The following CDKL5 variants were observed in gnomAD, a reference collection of about 807,000 sequenced individuals.
CDKL5 encodes cyclin dependent kinase like 5.
CDKL5 carries 8 observed loss-of-function variants against 61.7 expected under a neutral mutation model. The observed-to-expected ratio is 0.13, with a 90% CI of 0.08 to 0.23. CDKL5 has a LOEUF of 0.23. Among genes scored for constraint, CDKL5 ranks in the 10% least tolerant of loss-of-function variants. The probability of loss-of-function intolerance (pLI) is 1.00; values close to 1 mark genes in which losing one functional copy is unlikely to be tolerated. For missense variants in CDKL5, 440 were observed against 734.5 expected (o/e 0.60, Z 4.63); for synonymous variants, 275 against 272.3 (o/e 1.01, Z -0.10).
intron 3 of CDKL5, among the ~76,000 whole-genome samples, chrX:18,514,333 T>G (rs2147097665): frequency 9.0e-6 from 1 of 111,575 alleles, no homozygotes; most frequent in East Asian, 2.8e-4. Context: ...AGTTGTTATA[T>G]ATACACATTG....
intron 19 of CDKL5, among the ~76,000 whole-genome samples, chrX:18,645,411 C>T (rs1196777081): frequency 9.0e-6 from 1 of 110,585 alleles, no homozygotes; most frequent in Non-Finnish European, 1.9e-5. Context: ...AGATGAAACA[C>T]GTCCCAATGT....
At chrX:18,551,602 A>ATTATTATTT (rs1327352780) in intron 3 of CDKL5, among the ~76,000 whole-genome samples, 1 of 100,023 alleles carries the variant, frequency 1.0e-5, no homozygotes, top group East Asian at 3.0e-4. Context: ...TATTATTATT[A>ATTATTATTT]TTTGAGACAG....
chrX:18,525,882 G>T (rs1340303193), intron 3 of CDKL5, among the ~76,000 whole-genome samples: 1 of 109,639 alleles, frequency 9.1e-6, no homozygotes, highest in Admixed American at 9.7e-5. Context: ...GAGTAGTTGG[G>T]ATTGCAGGCT....
At chrX:18,511,486 G>A (rs1025138899) in intron 3 of CDKL5, among the ~76,000 whole-genome samples, 2 of 110,506 alleles carry the variant, frequency 1.8e-5, no homozygotes, top group Admixed American at 1.9e-4. Flanking sequence ...TTATGATATG[G>A]TATTTTTTGT....
chrX:18,428,952 A>G (rs940038315), intron 1 of CDKL5, among the ~76,000 whole-genome samples: 5 of 111,430 alleles, frequency 4.5e-5, no homozygotes, highest in Admixed American at 9.6e-5. Context: ...TTTGTTGGTG[A>G]CGCACAATTT....
At chrX:18,641,857 T>TA (rs377648180), downstream of CDKL5, 11,437 of 412,744 alleles carry the variant, frequency 0.028, no homozygotes, top group Non-Finnish European at 0.031. Flanking sequence ...AGCTATATCT[T>TA]AAAAAAAAAA....
chrX:18,557,551 T>C (rs1055962099), intron 3 of CDKL5, among the ~76,000 whole-genome samples: 1 of 112,091 alleles, frequency 8.9e-6, no homozygotes, highest in Non-Finnish European at 1.9e-5. Flanking sequence ...TATTTTATTC[T>C]GTTCTGTTTC....
chrX:18,549,141 A>G (rs1286592788), intron 3 of CDKL5, among the ~76,000 whole-genome samples: 2 of 112,226 alleles, frequency 1.8e-5, no homozygotes, highest in East Asian at 5.6e-4. Context: ...GTATGAGTAT[A>G]TACGCATGGG....
intron 21 of CDKL5, among the ~76,000 whole-genome samples, chrX:18,652,813 T>G (rs761471842): frequency 8.9e-6 from 1 of 112,809 alleles, no homozygotes; most frequent in East Asian, 2.8e-4. Context: ...ACATCTTCTG[T>G]GGCTCAAATG....
At chrX:18,431,836 A>G (rs1931498937) in intron 1 of CDKL5, among the ~76,000 whole-genome samples, 1 of 110,872 alleles carries the variant, frequency 9.0e-6, no homozygotes, top group African/African-American at 3.3e-5. Flanking sequence ...ATCCAGTTTT[A>G]GAACATTTCC....
chrX:18,429,383 G>C (rs1216016610), intron 1 of CDKL5, among the ~76,000 whole-genome samples: 1 of 111,192 alleles, frequency 9.0e-6, no homozygotes, highest in African/African-American at 3.3e-5. Context: ...TCCATCTATT[G>C]AGCCTTACTG....
intron 3 of CDKL5, among the ~76,000 whole-genome samples, chrX:18,511,853 T>A (rs895602034): frequency 5.3e-5 from 6 of 112,161 alleles, no homozygotes; most frequent in African/African-American, 1.9e-4. Context: ...AGAGTTTTTT[T>A]AAAAATTATT....
chrX:18,544,882 A>G (rs1461301038), intron 3 of CDKL5, among the ~76,000 whole-genome samples: 1 of 111,908 alleles, frequency 8.9e-6, no homozygotes, highest in Non-Finnish European at 1.9e-5. Context: ...TCCTTTAATA[A>G]TCAGATTTTT....
intron 1 of CDKL5, among the ~76,000 whole-genome samples, chrX:18,448,831 G>C (rs1207140984): frequency 9.0e-6 from 1 of 111,665 alleles, no homozygotes; most frequent in African/African-American, 3.3e-5. Context: ...TTTGGAGGGA[G>C]AGCCTCTTTT....
At chrX:18,443,652 G>C (rs1931804555) in intron 1 of CDKL5, among the ~76,000 whole-genome samples, 1 of 110,447 alleles carries the variant, frequency 9.1e-6, no homozygotes, top group Non-Finnish European at 1.9e-5. Flanking sequence ...TTGTTGTACA[G>C]ATTATTTCAT....
chrX:18,518,388 ATTTTTTTTTTTTTTTT>A (rs779361711), intron 3 of CDKL5, among the ~76,000 whole-genome samples: 76 of 21,165 alleles, frequency 3.6e-3, no homozygotes, highest in African/African-American at 9.2e-3. Flanking sequence ...TTCTTTTCTT[ATTTTTTTTTTTTTTTT>A]TTTTTTTTTT....
intron 3 of CDKL5, among the ~76,000 whole-genome samples, chrX:18,547,365 C>T (rs1924235321): frequency 8.9e-6 from 1 of 112,182 alleles, no homozygotes; most frequent in Non-Finnish European, 1.9e-5. Flanking sequence ...ATGCAGCATT[C>T]TTTTCCTGAA....
At chrX:18,575,700 G>C (rs370366818) in intron 5 of CDKL5, among the ~76,000 whole-genome samples, 1 of 112,156 alleles carries the variant, frequency 8.9e-6, no homozygotes, top group South Asian at 3.7e-4. Context: ...AGAGATAATC[G>C]TAAGTTTAAA....
intron 1 of CDKL5, among the ~76,000 whole-genome samples, chrX:18,440,067 G>T (rs1442273873): frequency 9.0e-6 from 1 of 110,636 alleles, no homozygotes; most frequent in East Asian, 2.8e-4. Flanking sequence ...GAAGGTTGGG[G>T]GATCTGTGGC....
Sources: allele counts gnomAD v4.1 joint callset (sites outside exome capture counted in the v4.1 genomes callset), GRCh38; gene constraint gnomAD v4.1.1; transcripts MANE v1.5; gene names NCBI Gene and HGNC (gene_info 2026-07-23, HGNC 2026-07-21).